The following FIP1L1 variants were observed in gnomAD, a reference collection of about 807,000 sequenced individuals.
FIP1L1 encodes the protein pre-mRNA 3'-end-processing factor FIP1.
Under a neutral mutation model 84.6 loss-of-function variants are expected in FIP1L1, and 21 were observed. The ratio of observed to expected loss-of-function variants is 0.25; its 90% CI spans 0.18 to 0.36. The LOEUF is 0.36. Among genes scored for constraint, FIP1L1 ranks in the 10% least tolerant of loss-of-function variants. FIP1L1 has a pLI of 1.00. For synonymous variants in FIP1L1, 263 were observed against 242.3 expected (o/e 1.09, Z -0.80); for missense variants, 526 against 751.1 (o/e 0.70, Z 3.50).
chr4:53,443,059 T>C (rs1361280492), intron 14 of FIP1L1, among the ~76,000 whole-genome samples: 3 of 152,092 alleles, frequency 2.0e-5, no homozygotes, highest in African/African-American at 7.2e-5. Context: ...TGTTTTGGGA[T>C]AAAGTAGGGA....
rs551645200 is a variant in FIP1L1, at chr4:53,408,614, C to T, written c.816-6001C>T. ...TTTTGCAACTTGGTTCCATTCTCCCCGTCACTTTCAGGTACACCAATCAGA... is the reference window on the plus strand; with the variant it reads ...TTTTGCAACTTGGTTCCATTCTCCCTGTCACTTTCAGGTACACCAATCAGA... On this transcript the variant is annotated intron_variant, in intron 10 of 17. Coordinates refer to ENST00000337488, the MANE Select transcript of FIP1L1 (RefSeq NM_030917.4). 1.2e-3 allele frequency among the ~76,000 whole-genome samples: 178 copies of T among 152,282 alleles called. 1 individual carries two copies. Among genetic ancestry groups the T allele is most frequent in the Admixed American group, 2.4e-3 (37 of 15,292 alleles).
At chr4:53,445,070 C>T (rs1219189363) in intron 15 of FIP1L1, among the ~76,000 whole-genome samples, 1 of 152,044 alleles carries the variant, frequency 6.6e-6, no homozygotes, top group Admixed American at 6.6e-5. Flanking sequence ...TGAGAGGGAA[C>T]ATGGTAGGTA....
Position 53,383,763 on chromosome 4 carries a change from G to T in FIP1L1, c.229-10G>T. On this transcript the variant is annotated splice_polypyrimidine_tract_variant and intron_variant, in intron 4 of 17. Coordinates refer to ENST00000337488, the MANE Select transcript of FIP1L1 (RefSeq NM_030917.4). Reference sequence around the variant, plus strand: ...TGAATGTATTTTATAATTTGTTTATGTTCATGTAGAAAGTGACTGAGACCG... The same window carrying T: ...TGAATGTATTTTATAATTTGTTTATTTTCATGTAGAAAGTGACTGAGACCG... The T allele has an allele frequency of 6.3e-7, 1 of 1,597,674 alleles. No individual in the cohort carries two copies. Among genetic ancestry groups the T allele is most frequent in the Non-Finnish European group, 8.6e-7 (1 of 1,168,872 alleles).
At chr4:53,379,572 G>A (rs1736689306) in intron 3 of FIP1L1, among the ~76,000 whole-genome samples, 2 of 152,164 alleles carry the variant, frequency 1.3e-5, no homozygotes, top group Admixed American at 1.3e-4. Context: ...TTAAGCTACT[G>A]ATAAAAATAT....
chr4:53,433,700 T>C (rs796650115), intron 13 of FIP1L1, among the ~76,000 whole-genome samples: 28 of 152,292 alleles, frequency 1.8e-4, no homozygotes, highest in African/African-American at 6.0e-4. Flanking sequence ...TACTGAGATA[T>C]AGCCCAACTA....
chr4:53,402,227 A>G (rs866729750), intron 10 of FIP1L1, among the ~76,000 whole-genome samples: 1 of 152,212 alleles, frequency 6.6e-6, no homozygotes, highest in Non-Finnish European at 1.5e-5. Context: ...TTTCATTTGT[A>G]TAAAATGAAG....
Position 53,398,018 on chromosome 4 carries a change from A to G in FIP1L1, c.706-1712A>G, listed in dbSNP as rs577558674. Reference sequence around the variant, plus strand: ...TTCCTTGACATCCCCAGGCAGAACAATGCGTTTCTTTTTGTGTTATTATAA... The same window carrying G: ...TTCCTTGACATCCCCAGGCAGAACAGTGCGTTTCTTTTTGTGTTATTATAA... On this transcript the variant is annotated intron_variant, in intron 9 of 17. Transcript: ENST00000337488. Among the ~76,000 whole-genome samples, 3 of 152,282 alleles carry G rather than the reference A, an allele frequency of 2.0e-5. No individual in the cohort carries two copies. In the South Asian group the frequency reaches 6.2e-4, roughly 32 times the overall value.
At chr4:53,396,213 C>G (rs1400965639) in intron 9 of FIP1L1, among the ~76,000 whole-genome samples, 3 of 152,138 alleles carry the variant, frequency 2.0e-5, no homozygotes, top group Admixed American at 1.3e-4. Context: ...GCCACTGCAC[C>G]TGGCCACAAC....
At chr4:53,408,966 T>C (rs1488927960) in intron 10 of FIP1L1, among the ~76,000 whole-genome samples, 1 of 152,178 alleles carries the variant, frequency 6.6e-6, no homozygotes, top group South Asian at 2.1e-4. Flanking sequence ...TGGAGTAGTT[T>C]GATCGTCTGA....
At chr4:53,425,505 G>A (rs1763969169) in intron 11 of FIP1L1, among the ~76,000 whole-genome samples, 1 of 152,030 alleles carries the variant, frequency 6.6e-6, no homozygotes, top group Admixed American at 6.6e-5. Flanking sequence ...GCTGTAGTAT[G>A]TGTTACAATT....
chr4:53,442,553 A>G (rs1772415329), intron 13 of FIP1L1, 100 bp from the exon 14 acceptor site: 3 of 774,240 alleles, frequency 3.9e-6, no homozygotes, highest in Admixed American at 2.0e-5. Context: ...AAGCACATTC[A>G]TATCCCCAGA....
At chr4:53,390,092 C>A (rs1458427740) in intron 6 of FIP1L1, among the ~76,000 whole-genome samples, 5 of 152,040 alleles carry the variant, frequency 3.3e-5, no homozygotes, top group Non-Finnish European at 7.4e-5. Flanking sequence ...GCGTGCACCA[C>A]CATGCTTGGC....
intron 4 of FIP1L1, 104 bp downstream of exon 4, chr4:53,382,439 G>A (rs1285837640): frequency 4.9e-6 from 4 of 816,828 alleles, no homozygotes; most frequent in African/African-American, 1.7e-5. Flanking sequence ...TTCAGTATCA[G>A]GTGTTATCTG....
intron 5 of FIP1L1, among the ~76,000 whole-genome samples, chr4:53,387,071 T>A (rs1211950264): frequency 6.6e-6 from 1 of 152,218 alleles, no homozygotes; most frequent in East Asian, 1.9e-4. Context: ...AGACATTGAC[T>A]AATAGATGTG....
chr4:53,459,203 C>A, intron 17 of FIP1L1, 99 bp from the exon 18 acceptor site: 1 of 804,940 alleles, frequency 1.2e-6, no homozygotes, highest in Non-Finnish European at 2.0e-6. Flanking sequence ...TTATTTTAAA[C>A]CCAGTGTTAT....
chr4:53,382,762 T>C (rs1738784388), intron 4 of FIP1L1, among the ~76,000 whole-genome samples: 1 of 152,240 alleles, frequency 6.6e-6, no homozygotes, highest in Admixed American at 6.5e-5. Flanking sequence ...ATTGGTCCTA[T>C]GAATATTTGT....
At chr4:53,386,675 C>G (rs534036650) in intron 5 of FIP1L1, among the ~76,000 whole-genome samples, 1 of 152,050 alleles carries the variant, frequency 6.6e-6, no homozygotes, top group Non-Finnish European at 1.5e-5. Flanking sequence ...ATATTAGATG[C>G]GTGCCTTGGA....
chr4:53,425,143 A>T (rs939290702), intron 11 of FIP1L1, among the ~76,000 whole-genome samples: 2 of 152,146 alleles, frequency 1.3e-5, no homozygotes, highest in African/African-American at 4.8e-5. Flanking sequence ...AGTGACTTCT[A>T]TATCATCTTA....
Position 53,399,625 on chromosome 4 carries a change from T to C in FIP1L1, c.706-105T>C, listed in dbSNP as rs1258919937. 4 of 715,910 alleles carry C rather than the reference T, an allele frequency of 5.6e-6. 1 individual carries two copies. The South Asian group carries it at 7.3e-5, about 13-fold the overall frequency. The allele number at this position is 715,910 out of a possible 1,614,324, so 44.3% of individuals were successfully genotyped here. On this transcript the variant is annotated intron_variant, in intron 9 of 17. Transcript: ENST00000337488. Reference sequence around the variant, plus strand: ...ATATTCAGCAAAGGAACATTCTTAGTGTTTAACTTCAAATTAAATGTTGTA... The same window carrying C: ...ATATTCAGCAAAGGAACATTCTTAGCGTTTAACTTCAAATTAAATGTTGTA...
Sources: allele counts gnomAD v4.1 joint callset (sites outside exome capture counted in the v4.1 genomes callset), GRCh38; gene constraint gnomAD v4.1.1; transcripts MANE v1.5; gene names NCBI Gene and HGNC (gene_info 2026-07-23, HGNC 2026-07-21).